The following MOCOS variants were observed in gnomAD, a reference collection of about 807,000 sequenced individuals.
MOCOS encodes the protein molybdenum cofactor sulfurase, also known as human molybdenum cofactor sulfurase.
In MOCOS, 86 loss-of-function variants were observed where a neutral mutation model predicts 83.6. The ratio of observed to expected loss-of-function variants is 1.03; its 90% CI spans 0.86 to 1.23. MOCOS has a LOEUF of 1.23. Ranked by LOEUF, MOCOS falls within the 50% of genes most tolerant of loss-of-function variation. The pLI is 0.00. For missense variants in MOCOS, 1,120 were observed against 1,126.9 expected, an observed-to-expected ratio of 0.99 and a Z score of 0.09; for synonymous variants, 445 against 434.7, an observed-to-expected ratio of 1.02 and a Z score of -0.29.
chr18:36,213,553 C>A, intron 7 of MOCOS, 71 bp downstream of exon 7: 2 of 1,236,302 alleles, frequency 1.6e-6, no homozygotes, highest in South Asian at 1.2e-5. Flanking sequence ...GCCTGTGTGT[C>A]TGGGGTGGGG....
chr18:36,226,485 T>C (rs2091515955), intron 9 of MOCOS, among the ~76,000 whole-genome samples: 1 of 152,118 alleles, frequency 6.6e-6, no homozygotes, highest in African/African-American at 2.4e-5. Flanking sequence ...CTTCTTTTTT[T>C]TTATTCAGCC....
At chr18:36,267,767 A>G (rs140449698) in intron 14 of MOCOS, among the ~76,000 whole-genome samples, 1 of 152,218 alleles carries the variant, frequency 6.6e-6, no homozygotes, top group African/African-American at 2.4e-5. Flanking sequence ...AGGTCCATGA[A>G]AATAGTGTTT....
chr18:36,225,567 G>A (rs972513408), intron 9 of MOCOS, among the ~76,000 whole-genome samples: 1 of 151,942 alleles, frequency 6.6e-6, no homozygotes, highest in Non-Finnish European at 1.5e-5. Context: ...TGCAATCTTT[G>A]TTGTTTCATT....
At position 36,267,089 on chromosome 18, in the gene MOCOS, T is replaced by G. The variant is rs902883486; in HGVS notation, c.2514+236T>G. ...TGTATTTTTATGCTTTCCAATCTTG[T>G]TGAAGAGATATGGAGTACAAAAAAA... On this transcript the variant is annotated intron_variant, in intron 14 of 14. Transcript: ENST00000261326. Among the ~76,000 whole-genome samples, 3 of 152,200 alleles carry G rather than the reference T, an allele frequency of 2.0e-5. 1 individual carries two copies. In the South Asian group the frequency reaches 6.2e-4, roughly 32 times the overall value.
At chr18:36,219,728 A>G (rs1568056447) in intron 8 of MOCOS, among the ~76,000 whole-genome samples, 1 of 152,142 alleles carries the variant, frequency 6.6e-6, no homozygotes, top group Non-Finnish European at 1.5e-5. Context: ...AAAAAGAGCA[A>G]TGGCTGGAGC....
At chr18:36,204,282 A>C (rs2091426134) in intron 5 of MOCOS, among the ~76,000 whole-genome samples, 2 of 151,832 alleles carry the variant, frequency 1.3e-5, no homozygotes, top group Middle Eastern at 6.8e-3. Context: ...TTCTCTGTGG[A>C]TTTGCCTATT....
At chr18:36,251,364 C>T (rs903700760) in intron 11 of MOCOS, 81 bp downstream of exon 11, 36 of 1,544,480 alleles carry the variant, frequency 2.3e-5, no homozygotes, top group Non-Finnish European at 3.0e-5. Context: ...ATGAACTGCA[C>T]TTACGGGTGA....
In MOCOS at chr18:36,269,506, T is replaced by C. The variant is rs916778916; in HGVS notation, c.*821T>C. On this transcript the variant is annotated 3_prime_UTR_variant, in exon 15 of 15. Transcript: ENST00000261326. ...CTGTATCATCTTTGACCACTGCTCC[T>C]GCAGCCTCCAGATGAAAATGTCCAG... 1 of 152,284 alleles carries C rather than the reference T, an allele frequency of 6.6e-6. No individual in the cohort carries two copies. Among genetic ancestry groups the C allele is most frequent in the African/African-American group, 2.4e-5 (1 of 41,464 alleles). The allele number at this position is 152,284 out of a possible 1,614,324, so 9.4% of individuals were successfully genotyped here.
chr18:36,264,774 A>T (rs942433284), intron 13 of MOCOS, among the ~76,000 whole-genome samples: 44 of 142,482 alleles, frequency 3.1e-4, no homozygotes, highest in Non-Finnish European at 6.2e-4. Flanking sequence ...GCGTCAACCT[A>T]AAAAAAAAAA....
intron 13 of MOCOS, among the ~76,000 whole-genome samples, chr18:36,266,029 C>A (rs754376973): frequency 1.3e-5 from 2 of 152,150 alleles, no homozygotes; most frequent in Non-Finnish European, 2.9e-5. Flanking sequence ...TTGGGCTTCT[C>A]GTTCCTTTCT....
At chr18:36,187,889 C>G (rs947222197) in intron 1 of MOCOS, among the ~76,000 whole-genome samples, 2 of 152,224 alleles carry the variant, frequency 1.3e-5, no homozygotes, top group Non-Finnish European at 2.9e-5. Flanking sequence ...CTTACTCTTC[C>G]GACTTTCCGG....
intron 8 of MOCOS, among the ~76,000 whole-genome samples, chr18:36,219,069 A>G (rs2091485689): frequency 6.6e-6 from 1 of 150,596 alleles, no homozygotes; most frequent in Non-Finnish European, 1.5e-5. Flanking sequence ...GGGTTTCACC[A>G]TGTCGGCCAG....
chr18:36,187,817 C>T (rs2091347630), intron 1 of MOCOS, 136 bp downstream of exon 1: 2 of 1,011,902 alleles, frequency 2.0e-6, no homozygotes, highest in Non-Finnish European at 2.5e-6. Context: ...CGTGTCCACG[C>T]GTCCTCCTAG....
chr18:36,236,952 G>A (rs1381321525), intron 9 of MOCOS, among the ~76,000 whole-genome samples: 3 of 152,060 alleles, frequency 2.0e-5, no homozygotes, highest in Non-Finnish European at 4.4e-5. Flanking sequence ...TTGGTGTGTA[G>A]GAATGCTTGT....
At chr18:36,217,190 CAG>C (rs1469930958) in intron 8 of MOCOS, among the ~76,000 whole-genome samples, 1 of 152,044 alleles carries the variant, frequency 6.6e-6, no homozygotes, top group African/African-American at 2.4e-5. Context: ...GGGGTTATGT[CAG>C]AGAGTGTCCT....
chr18:36,266,842 C>G lies in MOCOS; in HGVS notation c.2503C>G (p.Arg835Gly), dbSNP rs748233633. ...TGTTTTCCAAAAACTTTCTGAGAGT[C>G]GTGAAACAAAGGTAAGCGTGATTGC... ...QHVFQKLSESRETKVNFGMYL... is the reference protein window; with the variant it reads ...QHVFQKLSESGETKVNFGMYL... Residue 835 changes from arginine (R) to glycine (G), a missense_variant, in exon 14 of 15, where the codon CGT (arginine) becomes GGT (glycine). Arg to Gly is a moderately radical substitution (Grantham distance 125, BLOSUM62 -2). Coordinates refer to ENST00000261326, the MANE Select transcript of MOCOS (RefSeq NM_017947.4). 1 of 1,613,708 alleles carries G rather than the reference C, an allele frequency of 6.2e-7. No homozygotes were observed. Among genetic ancestry groups the G allele is most frequent in the Non-Finnish European group, 8.5e-7 (1 of 1,179,778 alleles).
intron 9 of MOCOS, among the ~76,000 whole-genome samples, chr18:36,226,337 C>T (rs571763539): frequency 6.6e-6 from 1 of 152,240 alleles, no homozygotes; most frequent in African/African-American, 2.4e-5. Context: ...ATTATAGCCA[C>T]TCCTACTCTC....
rs1362274424 is a variant in MOCOS, at chr18:36,264,709, C to T, written c.2410-2040C>T. Among the ~76,000 whole-genome samples the T allele has an allele frequency of 7.2e-5, 11 of 151,746 alleles. No individual in the cohort carries two copies. In the East Asian group the frequency reaches 1.2e-3, roughly 16 times the overall value. On this transcript the variant is annotated intron_variant, in intron 13 of 14. Transcript: ENST00000261326. ...TTACGTGGCCTGGGAATCTTGACTTCGGTACCACAGGGAGCATATATTTCC... is the reference window on the plus strand; with the variant it reads ...TTACGTGGCCTGGGAATCTTGACTTTGGTACCACAGGGAGCATATATTTCC...
intron 9 of MOCOS, among the ~76,000 whole-genome samples, chr18:36,235,243 T>C (rs1457131833): frequency 7.0e-6 from 1 of 143,522 alleles, no homozygotes; most frequent in African/African-American, 2.6e-5. Flanking sequence ...TAACTCATCA[T>C]CTAGCATTAG....
Sources: gnomAD v4.1 joint callset for allele counts (sites outside exome capture counted in the v4.1 genomes callset) on GRCh38, gnomAD v4.1.1 for gene constraint, MANE v1.5 for transcripts, NCBI Gene and HGNC (gene_info 2026-07-23, HGNC 2026-07-21) for gene names.